CHD6: variants seen among roughly 807,000 people sequenced by gnomAD.
The protein encoded by CHD6 is chromodomain helicase DNA binding protein 6.
A neutral mutation model predicts 276.9 loss-of-function variants in CHD6; 50 were observed. The observed-to-expected ratio is 0.18, with a 90% CI of 0.14 to 0.23. CHD6 has a LOEUF of 0.23. CHD6 is among the 10% of genes least tolerant of loss of function. The pLI is 1.00. For missense variants in CHD6, 2,564 were observed against 3,365.8 expected (o/e 0.76, Z 5.89); for synonymous variants, 1,173 against 1,229.3 (o/e 0.95, Z 0.96).
intron 27 of CHD6, among the ~76,000 whole-genome samples, chr20:41,432,160 C>CACAAAAAAA (rs2047563586): frequency 1.7e-5 from 1 of 58,978 alleles, no homozygotes; most frequent in African/African-American, 5.2e-5. Flanking sequence ...AACTCCGTCT[C>CACAAAAAAA]AAAAAAAAAA....
At chr20:41,616,290 A>C (rs903454461) in intron 1 of CHD6, among the ~76,000 whole-genome samples, 27 of 152,214 alleles carry the variant, frequency 1.8e-4, no homozygotes, top group African/African-American at 6.3e-4. Context: ...AAATGATCAT[A>C]TTGAAAGAGT....
chr20:41,447,035 C>T (rs1451354388), intron 24 of CHD6, among the ~76,000 whole-genome samples: 1 of 152,164 alleles, frequency 6.6e-6, no homozygotes, highest in Non-Finnish European at 1.5e-5. Context: ...CTGGAAATTA[C>T]AATAGTGACT....
intron 2 of CHD6, among the ~76,000 whole-genome samples, chr20:41,549,038 A>G (rs534089388): frequency 2.5e-3 from 380 of 152,292 alleles, no homozygotes; most frequent in African/African-American, 8.3e-3. Flanking sequence ...CTTTTACACC[A>G]TTGGTGGGAC....
intron 17 of CHD6, among the ~76,000 whole-genome samples, chr20:41,467,954 T>C (rs1247310830): frequency 6.6e-6 from 1 of 152,138 alleles, no homozygotes; most frequent in African/African-American, 2.4e-5. Context: ...CACATCCCAC[T>C]CTACATGGTC....
At position 41,452,010 on chromosome 20, in the gene CHD6, C is replaced by T. The variant is rs771424506; in HGVS notation, c.3339G>A (p.Lys1113=). ...NLLIFGWGRW[K]DILTHGRFKW... is the part of the protein sequence containing the mutation. ...TGAATCGGCCATGAGTCAGGATGTCCTTCCACCGGCCCCAGCTGACAGTGG... is the reference window on the plus strand; with the variant it reads ...TGAATCGGCCATGAGTCAGGATGTCTTTCCACCGGCCCCAGCTGACAGTGG... Residue 1113 remains lysine, a synonymous_variant, in exon 22 of 37, where the codon AAG becomes AAA. Transcript: ENST00000373233. The surrounding 1 kb of genome is among the most constrained non-coding windows in gnomAD (Gnocchi z 4.2). The T allele has an allele frequency of 1.9e-5, 31 of 1,613,856 alleles. No homozygotes were observed. Among genetic ancestry groups the T allele is most frequent in the African/African-American group, 2.7e-5 (2 of 74,922 alleles).
In CHD6 at chr20:41,452,554, G is replaced by A. The variant is rs2048270008; in HGVS notation, c.3323+186C>T. Among the ~76,000 whole-genome samples the A allele has an allele frequency of 6.6e-6, 1 of 152,158 alleles. No homozygotes were observed. Among genetic ancestry groups the A allele is most frequent in the Non-Finnish European group, 1.5e-5 (1 of 68,038 alleles). On this transcript the variant is annotated intron_variant, in intron 21 of 36. Coordinates refer to ENST00000373233, the MANE Select transcript of CHD6 (RefSeq NM_032221.5). The surrounding 1 kb of genome is among the most constrained non-coding windows in gnomAD (Gnocchi z 4.2). ...ATCATGGCATGTCTGCATTGTGGTT[G>A]CGGAGCATACGGTGACTGAGACGGA... is the stretch of plus-strand genomic sequence containing the variant.
intron 17 of CHD6, among the ~76,000 whole-genome samples, chr20:41,465,136 T>C (rs950480539): frequency 1.3e-5 from 2 of 152,142 alleles, no homozygotes; most frequent in African/African-American, 4.8e-5. Context: ...GCAAGAACCA[T>C]TGATGGAAGC....
At chr20:41,457,032 C>G (rs545006060) in intron 18 of CHD6, among the ~76,000 whole-genome samples, 5 of 152,262 alleles carry the variant, frequency 3.3e-5, no homozygotes, top group African/African-American at 1.2e-4. Flanking sequence ...AATGTTACAC[C>G]AAGCTGGGCA....
At chr20:41,615,477 C>T (rs2045926326) in intron 1 of CHD6, among the ~76,000 whole-genome samples, 2 of 152,122 alleles carry the variant, frequency 1.3e-5, no homozygotes, top group South Asian at 4.1e-4. Context: ...GGAATTCACT[C>T]CACCTTTCAC....
chr20:41,602,296 C>T (rs947902564), intron 1 of CHD6, among the ~76,000 whole-genome samples: 3 of 152,212 alleles, frequency 2.0e-5, no homozygotes, highest in Admixed American at 2.0e-4. Flanking sequence ...CTCTCCCTCT[C>T]TCTTTCTTCC....
chr20:41,540,299 A>G (rs767458365), intron 2 of CHD6, among the ~76,000 whole-genome samples: 2 of 152,252 alleles, frequency 1.3e-5, no homozygotes, highest in Admixed American at 6.5e-5. Flanking sequence ...TGTGCATAGA[A>G]CAACTAATGG....
intron 1 of CHD6, among the ~76,000 whole-genome samples, chr20:41,592,330 G>A (rs1042607903): frequency 2.0e-5 from 3 of 152,108 alleles, no homozygotes; most frequent in Non-Finnish European, 2.9e-5. Flanking sequence ...GTGTAGAGTA[G>A]AATGAAATGG....
chr20:41,479,377 A>G (rs1460778616), intron 16 of CHD6, among the ~76,000 whole-genome samples: 6 of 152,184 alleles, frequency 3.9e-5, no homozygotes, highest in Non-Finnish European at 1.5e-5. Flanking sequence ...TAAACTGCTG[A>G]AAACCAAAAA....
chr20:41,567,786 GCCACA>G (rs1339489569), intron 1 of CHD6, among the ~76,000 whole-genome samples: 5 of 152,092 alleles, frequency 3.3e-5, no homozygotes, highest in African/African-American at 1.2e-4. Context: ...CCCCATCCAG[GCCACA>G]GACAAAATGA....
intron 16 of CHD6, among the ~76,000 whole-genome samples, chr20:41,476,089 C>T (rs2043162347): frequency 1.3e-5 from 2 of 152,042 alleles, no homozygotes; most frequent in Admixed American, 6.6e-5. Context: ...GAGAGTCTGG[C>T]ATGAAATTAA....
intron 11 of CHD6, among the ~76,000 whole-genome samples, chr20:41,490,378 G>A (rs1483488417): frequency 6.6e-6 from 1 of 152,150 alleles, no homozygotes; most frequent in African/African-American, 2.4e-5. Flanking sequence ...ATAGCCTATG[G>A]CTTCTAGGCT....
In CHD6 at chr20:41,533,330, C is replaced by A; in HGVS notation, c.274G>T (p.Val92Leu). The change falls in exon 3 of 37, where the codon GTG becomes TTG. Residue 92 changes from valine to leucine, a missense_variant. This residue lies in a region of CHD6 where 286 missense variants were observed against 297.8 expected (regional missense o/e 0.96). Coordinates refer to ENST00000373233, the MANE Select transcript of CHD6 (RefSeq NM_032221.5). ...MEDSGGGGTG[V>L]KKKRKKKEPG... ...TCCTTTTTCTTCCGTTTCTTCTTCA[C>A]TCCAGTACCTCCTCCTCCACTGTCC... The A allele has an allele frequency of 6.2e-7, 1 of 1,614,080 alleles. No homozygotes were observed. Among genetic ancestry groups the A allele is most frequent in the Non-Finnish European group, 8.5e-7 (1 of 1,180,010 alleles).
In CHD6 at chr20:41,406,035, T is replaced by C. The variant is rs115457334; in HGVS notation, c.7252-546A>G. ...TCTGAGTTTAAGTAAAAAAGGACAA[T>C]GGTACCTATCTTTAGAGTCACGGAA... is the stretch of plus-strand genomic sequence containing the variant. On this transcript the variant is annotated intron_variant, in intron 36 of 36. Transcript: ENST00000373233. Among the ~76,000 whole-genome samples, 922 of 152,178 alleles carry C rather than the reference T, an allele frequency of 6.1e-3. 8 individuals are homozygous for C. The highest frequency in any genetic ancestry group is 0.021 in the African/African-American group (884 of 41,512).
chr20:41,420,525 C>A lies in CHD6; in HGVS notation c.6110G>T (p.Gly2037Val). The A allele has an allele frequency of 6.2e-7, 1 of 1,611,040 alleles. No individual in the cohort carries two copies. ...TACTGTACCTTGACTATGGCAGTTT[C>A]CGTCTCTATCATAATCATCTTTATT... is the stretch of plus-strand genomic sequence containing the variant. ...FENKDDYDRDGNCHSQDYPGK... is the reference protein window; with the variant it reads ...FENKDDYDRDVNCHSQDYPGK... Residue 2037 changes from glycine (G) to valine (V), a missense_variant, in exon 31 of 37, where the codon GGA becomes GTA. Physicochemically the swap from Gly to Val is moderately radical, Grantham distance 109 (BLOSUM62 -3). Transcript: ENST00000373233.
Sources: gnomAD v4.1 joint callset for allele counts (sites outside exome capture counted in the v4.1 genomes callset) on GRCh38, gnomAD v4.1.1 for gene constraint, gnomAD v4.1.1 regional missense constraint, Gnocchi (gnomAD v3.1) non-coding constraint, MANE v1.5 for transcripts, NCBI Gene and HGNC (gene_info 2026-07-23, HGNC 2026-07-21) for gene names.